The following PLCZ1 variants were observed in gnomAD, a reference collection of about 807,000 sequenced individuals.
PLCZ1 encodes the protein phospholipase C zeta 1, also known as 1-phosphatidylinositol 4,5-bisphosphate phosphodiesterase zeta-1.
PLCZ1 carries 64 observed loss-of-function variants against 76.8 expected under a neutral mutation model. The observed-to-expected ratio is 0.83, with a 90% confidence interval of 0.68 to 1.03. The LOEUF is 1.03. Among genes scored for constraint, PLCZ1 ranks in the 50% least tolerant of loss-of-function variants. The probability of loss-of-function intolerance (pLI) is 0.00; values close to 1 mark genes in which losing one functional copy is unlikely to be tolerated. For synonymous variants in PLCZ1, 248 were observed against 230.8 expected (o/e 1.07, Z -0.68); for missense variants, 751 against 713.7 (o/e 1.05, Z -0.60).
intron 4 of PLCZ1, among the ~76,000 whole-genome samples, chr12:18,722,028 G>C (rs1017340536): frequency 6.6e-6 from 1 of 151,944 alleles, no homozygotes; most frequent in African/African-American, 2.4e-5. Flanking sequence ...CAGTCCTCCT[G>C]TTCCTTCAGT....
rs1277992971 is a variant in PLCZ1 at position 18,723,444 on chromosome 12, G to A, written c.234C>T (p.Asn78=). 3 of 1,612,868 alleles carry A rather than the reference G, an allele frequency of 1.9e-6. No homozygotes were observed. The highest frequency in any genetic ancestry group is 2.5e-6 in the Non-Finnish European group (3 of 1,179,312). Residue 78 remains asparagine, a synonymous_variant, in exon 4 of 15, where the codon AAC becomes AAT. Transcript: ENST00000266505. The part of the protein sequence containing the change: ...THREEIIEIF[N]TYSENRKILL... ...GAATTTTCCGGTTTTCAGAATATGTGTTGAAAATCTCAATAATTTCTTCTC... is the reference window on the plus strand; with the variant it reads ...GAATTTTCCGGTTTTCAGAATATGTATTGAAAATCTCAATAATTTCTTCTC...
intron 6 of PLCZ1, among the ~76,000 whole-genome samples, chr12:18,707,893 A>T (rs1283408569): frequency 6.6e-6 from 1 of 152,276 alleles, no homozygotes; most frequent in East Asian, 1.9e-4. Context: ...TATTGTGTAT[A>T]CTTAAGGTAT....
chr12:18,680,780 T>C (rs1193201466), downstream of PLCZ1, among the ~76,000 whole-genome samples: 1 of 151,994 alleles, frequency 6.6e-6, no homozygotes, highest in Non-Finnish European at 1.5e-5. Context: ...TAGAAAGGAC[T>C]CACTATTGGA....
the PLCZ1 span, chr12:18,647,876 G>T: frequency 6.7e-7 from 1 of 1,499,378 alleles, no homozygotes; most frequent in Non-Finnish European, 9.0e-7. Flanking sequence ...CCGTTTTTAG[G>T]TAGTATATGA....
At position 18,684,148 on chromosome 12, in the gene PLCZ1, G is replaced by A. The variant is rs745559226; in HGVS notation, c.1723C>T (p.Leu575Phe). Residue 575 changes from leucine (L) to phenylalanine (F), a missense_variant, in exon 14 of 15, where the codon CTT becomes TTT. Physicochemically the swap from Leu to Phe is conservative, Grantham distance 22 (BLOSUM62 0). Transcript: ENST00000266505. ...ACATTACCTTTGTTCATGCATAGAA[G>A]TGGCAAAGTATATTGCCCAAGAAAT... is the stretch of plus-strand genomic sequence containing the variant. ...NEFLGQYTLP[L>F]LCMNKGYRRI... 9.3e-6 allele frequency: 15 copies of A among 1,611,654 alleles called. No homozygotes were observed. The Admixed American group carries it at 2.2e-4, about 23-fold the overall frequency.
chr12:18,730,654 G>A (rs1696407685), intron 3 of PLCZ1, among the ~76,000 whole-genome samples: 1 of 151,990 alleles, frequency 6.6e-6, no homozygotes. Flanking sequence ...TTCAATTAGT[G>A]AGCCATTTCC....
At chr12:18,670,298 A>G in the PLCZ1 span, among the ~76,000 whole-genome samples, 1 of 152,016 alleles carries the variant, frequency 6.6e-6, no homozygotes, top group East Asian at 1.9e-4. Flanking sequence ...ATATGCGCAC[A>G]CACACACACA....
At chr12:18,661,693 G>A in the PLCZ1 span, among the ~76,000 whole-genome samples, 1 of 152,092 alleles carries the variant, frequency 6.6e-6, no homozygotes, top group Non-Finnish European at 1.5e-5. Context: ...ATACACTGCT[G>A]GTGGGAAAGA....
At chr12:18,681,198 GATAGTACA>G (rs149983568), downstream of PLCZ1, among the ~76,000 whole-genome samples, 1,610 of 152,138 alleles carry the variant, frequency 0.011, 25 homozygotes, top group African/African-American at 0.037. Context: ...AAGTCTGGCT[GATAGTACA>G]AAGTTGGTTC....
At chr12:18,705,419 T>C in intron 6 of PLCZ1, 104 bp from the exon 7 acceptor site, 2 of 1,394,620 alleles carry the variant, frequency 1.4e-6, no homozygotes, top group South Asian at 2.4e-5. Context: ...TTCTAACGTT[T>C]AGTACCTTTG....
intron 13 of PLCZ1, 105 bp downstream of exon 13, chr12:18,687,984 G>T: frequency 2.7e-6 from 4 of 1,465,748 alleles, no homozygotes; most frequent in Non-Finnish European, 2.8e-6. Context: ...GAAAACCCTT[G>T]TCTTATGAAT....
At position 18,705,175 on chromosome 12, in the gene PLCZ1, T is replaced by A. The variant is rs769301685; in HGVS notation, c.855A>T (p.Pro285=). 387 of 1,613,890 alleles carry A rather than the reference T, an allele frequency of 2.4e-4. No individual in the cohort carries two copies. Among genetic ancestry groups the A allele is most frequent in the Non-Finnish European group, 3.2e-4 (374 of 1,179,978 alleles). Residue 285 remains proline, a synonymous_variant, in exon 7 of 15, where the codon CCA becomes CCT. Transcript: ENST00000266505. ...CAGAAAAAAATGTTACCTCTGGTGA[T>A]GGTAGAGTATCAGGAAAATCATCAA... The part of the protein sequence containing the change: ...DMLDDFPDTL[P]SPEALKFKIL...
chr12:18,676,591 T>C, the PLCZ1 span, among the ~76,000 whole-genome samples: 1 of 150,446 alleles, frequency 6.6e-6, no homozygotes, highest in East Asian at 1.9e-4. Context: ...TATTTCTTAC[T>C]GTCTGACTCT....
chr12:18,661,813 G>T, the PLCZ1 span, among the ~76,000 whole-genome samples: 1 of 152,096 alleles, frequency 6.6e-6, no homozygotes, highest in Admixed American at 6.6e-5. Context: ...AATATAAATT[G>T]TTCTACCGTT....
chr12:18,718,442 T>C (rs534764923), intron 5 of PLCZ1, among the ~76,000 whole-genome samples: 1 of 152,284 alleles, frequency 6.6e-6, no homozygotes, highest in South Asian at 2.1e-4. Flanking sequence ...CTCCTCTCCA[T>C]GCTCTACAAG....
At chr12:18,708,894 A>G (rs1464712332) in intron 6 of PLCZ1, among the ~76,000 whole-genome samples, 1 of 152,158 alleles carries the variant, frequency 6.6e-6, no homozygotes, top group Non-Finnish European at 1.5e-5. Context: ...AATTCTTCAT[A>G]AATTTTGGAT....
At position 18,693,622 on chromosome 12, in the gene PLCZ1, G is replaced by A. The variant is rs191005218; in HGVS notation, c.1461+1288C>T. ...CTGAAGAACGTGCACCGTCCATTGT[G>A]TTTATTGATGAAATTGACGCCATTG... On this transcript the variant is annotated intron_variant, in intron 12 of 14. Coordinates refer to ENST00000266505, the MANE Select transcript of PLCZ1 (RefSeq NM_033123.4). 1.2e-5 allele frequency: 19 copies of A among 1,568,316 alleles called. No homozygotes were observed. In the Admixed American group the frequency reaches 1.7e-4, roughly 14 times the overall value.
chr12:18,661,114 T>C, the PLCZ1 span, among the ~76,000 whole-genome samples: 78 of 152,172 alleles, frequency 5.1e-4, 1 homozygote, highest in African/African-American at 1.8e-3. Flanking sequence ...GTTTGGGGAA[T>C]AGCAATAAAG....
intron 6 of PLCZ1, among the ~76,000 whole-genome samples, chr12:18,710,761 C>T (rs1484901427): frequency 6.6e-6 from 1 of 152,056 alleles, no homozygotes; most frequent in Non-Finnish European, 1.5e-5. Context: ...GACATTTATG[C>T]AGCCAAAAAA....
Sources: allele counts gnomAD v4.1 joint callset (sites outside exome capture counted in the v4.1 genomes callset), GRCh38; gene constraint gnomAD v4.1.1; transcripts MANE v1.5; gene names NCBI Gene and HGNC (gene_info 2026-07-23, HGNC 2026-07-21).